The following CD2AP variants were observed in gnomAD, a reference collection of about 807,000 sequenced individuals.
The protein encoded by CD2AP is CD2-associated protein.
Under a neutral mutation model 85.1 loss-of-function variants are expected in CD2AP, and 46 were observed. The observed-to-expected ratio is 0.54, with a 90% CI of 0.43 to 0.69. The LOEUF (loss-of-function observed/expected upper bound fraction) is 0.69. Among genes scored for constraint, CD2AP ranks in the 30% least tolerant of loss-of-function variants. The pLI, the probability that CD2AP is intolerant of heterozygous loss-of-function variation, is 0.00. For synonymous variants in CD2AP, 255 were observed against 252.9 expected (o/e 1.01, Z -0.08); for missense variants, 769 against 729.5 (o/e 1.05, Z -0.62).
intron 5 of CD2AP, among the ~76,000 whole-genome samples, chr6:47,566,301 A>AATATATATATATATATAT (rs71831752): frequency 1.5e-4 from 17 of 110,186 alleles, no homozygotes; most frequent in South Asian, 3.6e-4. Context: ...TGCTCATTAG[A>AATATATATATATATATAT]ATATATATAT....
intron 17 of CD2AP, among the ~76,000 whole-genome samples, chr6:47,613,847 G>T (rs992805183): frequency 6.6e-6 from 1 of 152,134 alleles, no homozygotes; most frequent in African/African-American, 2.4e-5. Context: ...GTTTCCTGTA[G>T]CCAACTCCCG....
In CD2AP at chr6:47,627,070, GT is replaced by G. The variant is rs892889160; in HGVS notation, c.*2846del. On this transcript the variant is annotated 3_prime_UTR_variant, in exon 18 of 18. Coordinates refer to ENST00000359314, the MANE Select transcript of CD2AP (RefSeq NM_012120.3). ...AAAATAGTATATACTTCACTAACTT[GT>G]TTACAGGTGCTGTATTTAAAAGCAT... The G allele has an allele frequency of 2.0e-5, 3 of 152,200 alleles. No individual in the cohort carries two copies. The highest frequency in any genetic ancestry group is 2.9e-5 in the Non-Finnish European group (2 of 67,864). The allele number at this position is 152,200 out of a possible 1,614,324, so 9.4% of individuals were successfully genotyped here. A position where few individuals can be genotyped will look rare whatever the true frequency, so the allele number is the denominator to read the frequency against.
chr6:47,498,500 A>G (rs1765925261), intron 1 of CD2AP, among the ~76,000 whole-genome samples: 1 of 152,130 alleles, frequency 6.6e-6, no homozygotes, highest in African/African-American at 2.4e-5. Flanking sequence ...GTATTATTTC[A>G]TGGTTAATTC....
intron 5 of CD2AP, 58 bp downstream of exon 5, chr6:47,554,824 GTT>G (rs1767637078): frequency 2.1e-6 from 3 of 1,436,004 alleles, no homozygotes; most frequent in Non-Finnish European, 2.8e-6. Flanking sequence ...AGCATCTAGT[GTT>G]TTATTTTGTA....
At chr6:47,486,817 C>T (rs1175848344) in intron 1 of CD2AP, among the ~76,000 whole-genome samples, 1 of 152,120 alleles carries the variant, frequency 6.6e-6, no homozygotes, top group Admixed American at 6.5e-5. Flanking sequence ...TAATAAAGGG[C>T]CACAGTGTTT....
intron 2 of CD2AP, among the ~76,000 whole-genome samples, chr6:47,514,912 A>G (rs1371888924): frequency 6.6e-6 from 1 of 152,002 alleles, no homozygotes; most frequent in Admixed American, 6.6e-5. Flanking sequence ...ATTAGCCAGG[A>G]GTGGTGGCAC....
intron 7 of CD2AP, 110 bp downstream of exon 7, chr6:47,576,712 C>G: frequency 1.2e-6 from 1 of 849,152 alleles, no homozygotes. Flanking sequence ...ATAGCAAATT[C>G]TATTAGATGT....
chr6:47,618,124 G>A (rs1262168151), intron 17 of CD2AP, among the ~76,000 whole-genome samples: 2 of 152,136 alleles, frequency 1.3e-5, no homozygotes, highest in Non-Finnish European at 2.9e-5. Context: ...TTCAAGACCA[G>A]CCTGGCCAAC....
intron 1 of CD2AP, among the ~76,000 whole-genome samples, chr6:47,498,200 TC>T (rs1765914283): frequency 6.6e-6 from 1 of 152,220 alleles, no homozygotes; most frequent in South Asian, 2.1e-4. Flanking sequence ...AAATGTTATA[TC>T]CTATGCTTGC....
At position 47,526,995 on chromosome 6, in the gene CD2AP, T is replaced by C. The variant is rs9473127; in HGVS notation, c.166-6607T>C. 8.8e-3 allele frequency among the ~76,000 whole-genome samples: 1,337 copies of C among 152,296 alleles called. 26 individuals carry two copies. The highest frequency in any genetic ancestry group is 0.031 in the African/African-American group (1,269 of 41,544). On this transcript the variant is annotated intron_variant, in intron 2 of 17. Transcript: ENST00000359314. ...TAATAGCAAATCAAAGTAATTTTCT[T>C]ATGTGCATTACCAATAAAAACAGGG...
chr6:47,563,985 T>C (rs1184858108), intron 5 of CD2AP, among the ~76,000 whole-genome samples: 1 of 152,210 alleles, frequency 6.6e-6, no homozygotes, highest in African/African-American at 2.4e-5. Flanking sequence ...GAGATGCTGA[T>C]TGTATTGAAA....
chr6:47,546,954 CTT>C (rs1414920910), intron 4 of CD2AP, among the ~76,000 whole-genome samples: 8 of 152,194 alleles, frequency 5.3e-5, no homozygotes, highest in African/African-American at 1.9e-4. Flanking sequence ...AACATACAGT[CTT>C]TTTCAGACAA....
intron 4 of CD2AP, among the ~76,000 whole-genome samples, chr6:47,547,446 A>G (rs917673509): frequency 6.6e-6 from 1 of 152,136 alleles, no homozygotes; most frequent in Non-Finnish European, 1.5e-5. Flanking sequence ...GACATTACAT[A>G]ATGTTAAAAG....
At chr6:47,610,262 C>G (rs1445843745) in intron 16 of CD2AP, among the ~76,000 whole-genome samples, 1 of 152,032 alleles carries the variant, frequency 6.6e-6, no homozygotes, top group East Asian at 1.9e-4. Flanking sequence ...AAAACTTGTT[C>G]ACATTTTAAG....
intron 9 of CD2AP, 154 bp downstream of exon 9, chr6:47,579,643 A>G: frequency 9.8e-6 from 6 of 612,578 alleles, no homozygotes; most frequent in Non-Finnish European, 1.7e-5. Flanking sequence ...TTATAGTAAA[A>G]CAAAATAATG....
chr6:47,482,769 C>CA (rs1469863551), intron 1 of CD2AP, among the ~76,000 whole-genome samples: 3 of 152,172 alleles, frequency 2.0e-5, no homozygotes, highest in Admixed American at 6.5e-5. Flanking sequence ...ATAGAAAACT[C>CA]AAAGTGCTTC....
intron 3 of CD2AP, among the ~76,000 whole-genome samples, chr6:47,543,118 T>A (rs1482892797): frequency 8.7e-6 from 1 of 115,188 alleles, no homozygotes; most frequent in African/African-American, 3.5e-5. Flanking sequence ...GCCACCGCAC[T>A]CCAGCCTGGG....
At chr6:47,592,233 A>AT (rs1413871652) in intron 11 of CD2AP, among the ~76,000 whole-genome samples, 1 of 151,620 alleles carries the variant, frequency 6.6e-6, no homozygotes, top group East Asian at 1.9e-4. Context: ...TTAAATCTAC[A>AT]TTTTCTCTTG....
chr6:47,523,740 G>C (rs753731061), intron 2 of CD2AP, among the ~76,000 whole-genome samples: 1 of 152,038 alleles, frequency 6.6e-6, no homozygotes, highest in South Asian at 2.1e-4. Context: ...TATATATAAG[G>C]ATTTACATTT....
Sources: allele counts gnomAD v4.1 joint callset (sites outside exome capture counted in the v4.1 genomes callset), GRCh38; gene constraint gnomAD v4.1.1; transcripts MANE v1.5; gene names NCBI Gene and HGNC (gene_info 2026-07-23, HGNC 2026-07-21).